COL9A3: variants seen among roughly 807,000 people sequenced by gnomAD.
COL9A3 encodes the protein collagen type IX alpha 3 chain.
In COL9A3, 82 loss-of-function variants were observed where a neutral mutation model predicts 110.2. That is an observed-to-expected ratio of 0.74 (90% CI 0.62 to 0.89). The LOEUF is 0.89. Ranked by LOEUF, COL9A3 falls within the 40% of genes least tolerant of loss-of-function variation. The probability of loss-of-function intolerance (pLI) is 0.00; values close to 1 mark genes in which losing one functional copy is unlikely to be tolerated. For missense variants in COL9A3, 1,066 were observed against 981.3 expected (o/e 1.09, Z -1.15); for synonymous variants, 494 against 403.8 (o/e 1.22, Z -2.68).
chr20:62,836,566 C>T (rs1172053146), intron 29 of COL9A3, 34 bp downstream of exon 29: 2 of 1,421,084 alleles, frequency 1.4e-6, no homozygotes, highest in South Asian at 1.2e-5. Context: ...TGCAGCGGGG[C>T]CCATCCCCGC....
chr20:62,827,584 G>A (rs539059504), intron 16 of COL9A3, among the ~76,000 whole-genome samples: 238 of 152,326 alleles, frequency 1.6e-3, no homozygotes, highest in South Asian at 2.5e-3. Context: ...CAGAGAAAAC[G>A]GCTCTCGGGT....
At chr20:62,834,449 CG>C (rs1455138819) in intron 26 of COL9A3, among the ~76,000 whole-genome samples, 1 of 148,166 alleles carries the variant, frequency 6.7e-6, no homozygotes, top group African/African-American at 2.7e-5. Context: ...GTCGTGAGTC[CG>C]AGGGAAGGAC....
chr20:62,825,567 G>T, intron 12 of COL9A3: 2 of 592,506 alleles, frequency 3.4e-6, no homozygotes, highest in South Asian at 3.9e-5. Flanking sequence ...ACGAGGAGGG[G>T]CCTGGACAGG....
Position 62,828,622 on chromosome 20 carries a change from G to A in COL9A3, c.901-142G>A, listed in dbSNP as rs371972199. ...CACTGGTTGCCACACGGCCACCTTGGTCATGAAACCAGATAACTGCCAGGG... is the reference window on the plus strand; with the variant it reads ...CACTGGTTGCCACACGGCCACCTTGATCATGAAACCAGATAACTGCCAGGG... On this transcript the variant is annotated intron_variant, in intron 17 of 31. Transcript: ENST00000649368. 1.1e-5 allele frequency: 11 copies of A among 980,676 alleles called. No individual in the cohort carries two copies. The African/African-American group carries it at 1.8e-4, about 16-fold the overall frequency. The allele number at this position is 980,676 out of a possible 1,614,324, so 60.7% of individuals were successfully genotyped here.
Position 62,821,797 on chromosome 20 carries a change from T to A in COL9A3, c.410T>A (p.Leu137His). 6.2e-7 allele frequency: 1 copy of A among 1,606,270 alleles called. No individual in the cohort carries two copies. The highest frequency in any genetic ancestry group is 8.5e-7 in the Non-Finnish European group (1 of 1,175,280). The change falls in exon 8 of 32, where the codon CTC becomes CAC. Residue 137 changes from leucine (L) to histidine (H), a missense_variant. Coordinates refer to ENST00000649368, the MANE Select transcript of COL9A3 (RefSeq NM_001853.4). ...GVSGPPGGIG[L>H]RGPPGPSGLP... ...AGCGGCCCCCCAGGTGGGATCGGCC[T>A]CCGCGGCCCCCCGGTGAGTGGCTGT...
At chr20:62,831,434 G>A (rs1045745989) in intron 24 of COL9A3, 1 of 153,026 alleles carries the variant, frequency 6.5e-6, no homozygotes, top group African/African-American at 2.4e-5. Flanking sequence ...TCCAGGACAC[G>A]GCTGCAGATG....
chr20:62,832,809 T>C (rs1296453857), intron 25 of COL9A3: 5 of 526,542 alleles, frequency 9.5e-6, no homozygotes, highest in Non-Finnish European at 1.4e-5. Context: ...TGCAAACAAA[T>C]GTCTTCCGTT....
chr20:62,827,919 C>T lies in COL9A3; in HGVS notation c.847-4C>T. The T allele has an allele frequency of 2.5e-6, 4 of 1,612,980 alleles. No individual in the cohort carries two copies. Among genetic ancestry groups the T allele is most frequent in the African/African-American group, 1.3e-5 (1 of 75,058 alleles). ...ACTGCTTCTGTCACTTGTGTGTCCTCTAGGGCAGACCTGGTCCCAAGGGAA... is the reference window on the plus strand; with the variant it reads ...ACTGCTTCTGTCACTTGTGTGTCCTTTAGGGCAGACCTGGTCCCAAGGGAA... On this transcript the variant is annotated splice_region_variant and splice_polypyrimidine_tract_variant and intron_variant, in intron 16 of 31. Coordinates refer to ENST00000649368, the MANE Select transcript of COL9A3 (RefSeq NM_001853.4).
intron 14 of COL9A3, 27 bp downstream of exon 14, chr20:62,826,284 C>A: frequency 6.5e-7 from 1 of 1,543,818 alleles, no homozygotes; most frequent in Non-Finnish European, 8.7e-7. Context: ...CTAGTGGGGG[C>A]CGGCCAGGTG....
chr20:62,823,745 G>A (rs2063528232), intron 10 of COL9A3, among the ~76,000 whole-genome samples: 1 of 152,264 alleles, frequency 6.6e-6, no homozygotes, highest in Non-Finnish European at 1.5e-5. Flanking sequence ...GGCTCACAGT[G>A]CCCCTCCTAA....
Position 62,836,230 on chromosome 20 carries a change from C to A in COL9A3, c.1445C>A (p.Pro482His), listed in dbSNP as rs1358925319. The change falls in exon 28 of 32, where the codon CCC (proline) becomes CAC (histidine). Residue 482 changes from proline to histidine, a missense_variant. Physicochemically the swap from Pro to His is moderately conservative, Grantham distance 77. Transcript: ENST00000649368. ...GELGPKGTQGPNGTSGVQGVP... is the reference protein window; with the variant it reads ...GELGPKGTQGHNGTSGVQGVP... The stretch of plus-strand genomic sequence containing the variant: ...CTGGGCCCCAAAGGCACCCAGGGTC[C>A]CAACGGCACCAGCGGTGTTCAGGGT... 6.2e-7 allele frequency: 1 copy of A among 1,613,708 alleles called. No individual in the cohort carries two copies. The highest frequency in any genetic ancestry group is 8.5e-7 in the Non-Finnish European group (1 of 1,179,990).
chr20:62,820,961 G>T (rs541031456), intron 5 of COL9A3, among the ~76,000 whole-genome samples: 1 of 152,206 alleles, frequency 6.6e-6, no homozygotes, highest in Non-Finnish European at 1.5e-5. Flanking sequence ...CCTTCTTGCA[G>T]CGAGCGCTGG....
chr20:62,837,677 C>T (rs529219863), intron 30 of COL9A3, among the ~76,000 whole-genome samples: 2 of 152,004 alleles, frequency 1.3e-5, no homozygotes, highest in East Asian at 1.9e-4. Flanking sequence ...CATGGTGGCA[C>T]ACGCCTGTAA....
At chr20:62,822,544 G>A in intron 9 of COL9A3, 47 bp from the exon 10 acceptor site, 3 of 1,608,414 alleles carry the variant, frequency 1.9e-6, no homozygotes, top group Admixed American at 1.7e-5. Context: ...GTGGCTGCAG[G>A]TGGCTGGGGA....
At chr20:62,839,958 G>A (rs987234001) in intron 31 of COL9A3, among the ~76,000 whole-genome samples, 49 of 152,122 alleles carry the variant, frequency 3.2e-4, no homozygotes, top group Non-Finnish European at 6.0e-4. Flanking sequence ...ACGCACAGGG[G>A]TCCCAGGCCC....
In COL9A3 at chr20:62,822,576, C is replaced by A. The variant is rs2063520469; in HGVS notation, c.478-15C>A. The stretch of plus-strand genomic sequence containing the variant: ...GGGAGGGCGGGAGAATGTCAGCTGT[C>A]TCTTTTTGTCTTAGGGACACCCAGG... On this transcript the variant is annotated splice_polypyrimidine_tract_variant and intron_variant, in intron 9 of 31. Coordinates refer to ENST00000649368, the MANE Select transcript of COL9A3 (RefSeq NM_001853.4). 6.2e-7 allele frequency: 1 copy of A among 1,612,118 alleles called. No individual in the cohort carries two copies. Among genetic ancestry groups the A allele is most frequent in the Non-Finnish European group, 8.5e-7 (1 of 1,179,928 alleles).
At chr20:62,829,883 T>A in intron 22 of COL9A3, 64 bp downstream of exon 22, 9 of 1,523,850 alleles carry the variant, frequency 5.9e-6, no homozygotes, top group Non-Finnish European at 7.9e-6. Context: ...ATGGCCCCAG[T>A]TTCTGAGCAG....
At position 62,822,243 on chromosome 20, in the gene COL9A3, C is replaced by A. The variant is rs1477245187; in HGVS notation, c.477+79C>A. On this transcript the variant is annotated intron_variant, in intron 9 of 31. Transcript: ENST00000649368. ...GTTGGACCCTCCCCATTCCCCCTCCCCAGGCTCCATGCCCCTCCGAGATCT... is the reference window on the plus strand; with the variant it reads ...GTTGGACCCTCCCCATTCCCCCTCCACAGGCTCCATGCCCCTCCGAGATCT... The A allele has an allele frequency of 2.6e-5, 22 of 842,470 alleles. No individual in the cohort carries two copies. The East Asian group carries it at 5.3e-4, about 20-fold the overall frequency. The allele number at this position is 842,470 out of a possible 1,614,324, so 52.2% of individuals were successfully genotyped here.
At chr20:62,827,826 C>T in intron 16 of COL9A3, 97 bp from the exon 17 acceptor site, 1 of 1,354,638 alleles carries the variant, frequency 7.4e-7, no homozygotes, top group Non-Finnish European at 1.1e-6. Context: ...CCGCTGCCCA[C>T]CATAGCTCCT....
Sources: gnomAD v4.1 joint callset for allele counts (sites outside exome capture counted in the v4.1 genomes callset) on GRCh38, gnomAD v4.1.1 for gene constraint, MANE v1.5 for transcripts, NCBI Gene and HGNC (gene_info 2026-07-23, HGNC 2026-07-21) for gene names.